The following ZFPM2 variants were observed in gnomAD, a reference collection of about 807,000 sequenced individuals.
The protein encoded by ZFPM2 is zinc finger protein, FOG family member 2, also known as zinc finger protein ZFPM2.
A neutral mutation model predicts 98.6 loss-of-function variants in ZFPM2; 20 were observed. That is an observed-to-expected ratio of 0.20 (90% CI 0.14 to 0.29). The LOEUF (loss-of-function observed/expected upper bound fraction) is 0.29. Among genes scored for constraint, ZFPM2 ranks in the 10% least tolerant of loss-of-function variants. ZFPM2 has a pLI of 1.00. For synonymous variants in ZFPM2, 518 were observed against 502.7 expected (o/e 1.03, Z -0.41); for missense variants, 1,310 against 1,388.6 (o/e 0.94, Z 0.90).
At chr8:105,605,352 C>A (rs1398714038) in intron 4 of ZFPM2, among the ~76,000 whole-genome samples, 2 of 152,032 alleles carry the variant, frequency 1.3e-5, no homozygotes, top group East Asian at 1.9e-4. Context: ...TACACATTTA[C>A]ATTATGCAAT....
intron 3 of ZFPM2, among the ~76,000 whole-genome samples, chr8:105,546,695 TAGG>T (rs916951815): frequency 6.6e-6 from 1 of 152,036 alleles, no homozygotes; most frequent in African/African-American, 2.4e-5. Context: ...ATGACAAACT[TAGG>T]AGGATCAGTT....
At chr8:105,651,389 A>C (rs1817172034) in intron 5 of ZFPM2, among the ~76,000 whole-genome samples, 1 of 149,978 alleles carries the variant, frequency 6.7e-6, no homozygotes, top group African/African-American at 2.5e-5. Context: ...AATTGCTTGA[A>C]CCTGGAAGTT....
At chr8:105,381,474 C>T (rs1810888241) in intron 1 of ZFPM2, among the ~76,000 whole-genome samples, 2 of 151,996 alleles carry the variant, frequency 1.3e-5, no homozygotes, top group African/African-American at 4.8e-5. Flanking sequence ...TTGACAACAT[C>T]CTATCCAGAG....
At chr8:105,753,890 T>G (rs1473906757) in intron 5 of ZFPM2, among the ~76,000 whole-genome samples, 3 of 152,186 alleles carry the variant, frequency 2.0e-5, no homozygotes, top group Non-Finnish European at 4.4e-5. Context: ...TACTGCTGTT[T>G]CAGCAAGTGT....
At chr8:105,521,906 TAAGG>T (rs1814071220) in intron 3 of ZFPM2, among the ~76,000 whole-genome samples, 1 of 151,974 alleles carries the variant, frequency 6.6e-6, no homozygotes, top group South Asian at 2.1e-4. Context: ...AGGAAAAAAA[TAAGG>T]AAGAACTTGC....
At chr8:105,530,993 GT>G (rs1258035774) in intron 3 of ZFPM2, among the ~76,000 whole-genome samples, 3 of 152,142 alleles carry the variant, frequency 2.0e-5, no homozygotes, top group Admixed American at 2.0e-4. Context: ...AAGTGTTGAT[GT>G]TTGACTCAAA....
chr8:105,409,256 C>T (rs1465350549), intron 1 of ZFPM2, among the ~76,000 whole-genome samples: 1 of 151,864 alleles, frequency 6.6e-6, no homozygotes, highest in Non-Finnish European at 1.5e-5. Flanking sequence ...CATACTGTCC[C>T]CTAGCTTTGT....
intron 4 of ZFPM2, among the ~76,000 whole-genome samples, chr8:105,579,220 G>A (rs17289829): frequency 0.14 from 21,113 of 151,904 alleles, 1,500 homozygotes; most frequent in Admixed American, 0.17. Flanking sequence ...CTTTTTTTCT[G>A]CAAAGAGGAC....
rs768149609 is a variant in ZFPM2 at position 105,801,689 on chromosome 8, C to T, written c.1607C>T (p.Pro536Leu). The change falls in exon 8 of 8, where the codon CCT becomes CTT. Residue 536 changes from proline to leucine, a missense_variant. Transcript: ENST00000407775. ...CTGAGGCATGGCAGTAGTAGCTACC[C>T]TCCCGTCATTTACAGCCCTTTGATG... ...RRLRHGSSSYPPVIYSPLMPK... is the reference protein window; with the variant it reads ...RRLRHGSSSYLPVIYSPLMPK... 6.2e-7 allele frequency: 1 copy of T among 1,613,716 alleles called. No homozygotes were observed. Among genetic ancestry groups the T allele is most frequent in the Admixed American group, 1.7e-5 (1 of 60,010 alleles).
At chr8:105,628,847 C>T (rs551865734) in intron 4 of ZFPM2, among the ~76,000 whole-genome samples, 85 of 152,184 alleles carry the variant, frequency 5.6e-4, no homozygotes, top group African/African-American at 1.9e-3. Context: ...TTGGGAGCCA[C>T]GAGTGAGGAT....
At chr8:105,497,311 T>C (rs1018418254) in intron 3 of ZFPM2, among the ~76,000 whole-genome samples, 2 of 152,050 alleles carry the variant, frequency 1.3e-5, no homozygotes, top group African/African-American at 4.8e-5. Flanking sequence ...CATTCTGATA[T>C]CAAACCTAAT....
chr8:105,610,241 G>C (rs1816281233), intron 4 of ZFPM2, among the ~76,000 whole-genome samples: 1 of 152,110 alleles, frequency 6.6e-6, no homozygotes, highest in Non-Finnish European at 1.5e-5. Context: ...TTACAGAGTA[G>C]CTTAGCTTAT....
At chr8:105,465,662 A>G (rs1812784200) in intron 3 of ZFPM2, among the ~76,000 whole-genome samples, 5 of 151,980 alleles carry the variant, frequency 3.3e-5, no homozygotes, top group Admixed American at 2.6e-4. Context: ...CAATATTTTT[A>G]TGATATTCCT....
intron 3 of ZFPM2, among the ~76,000 whole-genome samples, chr8:105,469,045 T>A (rs549293421): frequency 6.6e-6 from 1 of 152,186 alleles, no homozygotes; most frequent in African/African-American, 2.4e-5. Context: ...GGGGGAAAAG[T>A]GATGGGGCAG....
chr8:105,771,415 T>G (rs1328151386), intron 5 of ZFPM2, among the ~76,000 whole-genome samples: 1 of 152,194 alleles, frequency 6.6e-6, no homozygotes, highest in Non-Finnish European at 1.5e-5. Context: ...CAGCACATTT[T>G]TTCTATAGCT....
intron 5 of ZFPM2, among the ~76,000 whole-genome samples, chr8:105,703,330 T>C (rs754614184): frequency 2.0e-5 from 3 of 151,936 alleles, no homozygotes; most frequent in Non-Finnish European, 4.4e-5. Context: ...CTGAGGTAAA[T>C]AGAAAAACAC....
chr8:105,489,466 A>ATATTTT (rs1554610604), intron 3 of ZFPM2, among the ~76,000 whole-genome samples: 24 of 119,778 alleles, frequency 2.0e-4, no homozygotes, highest in African/African-American at 8.7e-4. Flanking sequence ...ATATATATAT[A>ATATTTT]TTTTTTTTTT....
At chr8:105,657,420 T>C (rs1406848954) in intron 5 of ZFPM2, among the ~76,000 whole-genome samples, 1 of 152,078 alleles carries the variant, frequency 6.6e-6, no homozygotes, top group Non-Finnish European at 1.5e-5. Context: ...ATTACGGGAG[T>C]GAGCCATCGC....
At chr8:105,550,615 A>G (rs1360900795) in intron 3 of ZFPM2, among the ~76,000 whole-genome samples, 1 of 152,172 alleles carries the variant, frequency 6.6e-6, no homozygotes, top group Non-Finnish European at 1.5e-5. Context: ...AATCACTCTT[A>G]TAAGGAAGAA....
Sources: gnomAD v4.1 joint callset for allele counts (sites outside exome capture counted in the v4.1 genomes callset) on GRCh38, gnomAD v4.1.1 for gene constraint, MANE v1.5 for transcripts, NCBI Gene and HGNC (gene_info 2026-07-23, HGNC 2026-07-21) for gene names.